Variants in SERPINB12 observed in about 807,000 individuals in gnomAD.
SERPINB12 encodes the protein serpin B12.
A neutral mutation model predicts 41.1 loss-of-function variants in SERPINB12; 57 were observed. The observed-to-expected ratio is 1.39, with a 90% CI of 1.12 to 1.73. The LOEUF (loss-of-function observed/expected upper bound fraction) is 1.73, where lower values mean the gene tolerates loss of function less well. Ranked by LOEUF, SERPINB12 falls within the 40% of genes most tolerant of loss-of-function variation. SERPINB12 has a pLI of 0.00. For synonymous variants in SERPINB12, 180 were observed against 181.3 expected, an observed-to-expected ratio of 0.99 and a Z score of 0.06; for missense variants, 536 against 501.9, an observed-to-expected ratio of 1.07 and a Z score of -0.65.
intron 1 of SERPINB12, among the ~76,000 whole-genome samples, chr18:63,548,670 A>T (rs1445099401): frequency 1.3e-5 from 2 of 152,088 alleles, no homozygotes; most frequent in Admixed American, 6.5e-5. Flanking sequence ...AACAAGAGAC[A>T]GTTAATATGT....
the SERPINB12 span, among the ~76,000 whole-genome samples, chr18:63,535,414 G>A: frequency 1.3e-5 from 2 of 152,074 alleles, no homozygotes; most frequent in Non-Finnish European, 2.9e-5. Context: ...CATTGTGCTT[G>A]CCAAAAATGC....
At chr18:63,559,003 C>CTTCTTTCTTTCTTTCT (rs374734513) in intron 3 of SERPINB12, among the ~76,000 whole-genome samples, 1,886 of 78,560 alleles carry the variant, frequency 0.024, 62 homozygotes, top group Admixed American at 0.044. Context: ...TCTTTCCTTC[C>CTTCTTTCTTTCTTTCT]TTCTTTCTTT....
chr18:63,556,279 T>C lies in SERPINB12; in HGVS notation c.120T>C (p.Gly40=), dbSNP rs577691248. ...FSPLSLSAAL[G]MVRLGARSDS... The stretch of plus-strand genomic sequence containing the variant: ...CCCTGAGCCTCTCAGCTGCCCTTGG[T>C]ATGGTACGCTTGGGTGCTAGAAGTG... Residue 40 remains glycine, a synonymous_variant, in exon 2 of 8, where the codon GGT becomes GGC. Transcript: ENST00000382768. 181 of 1,614,126 alleles carry C rather than the reference T, an allele frequency of 1.1e-4. 2 individuals are homozygous for C. The South Asian group carries it at 1.9e-3, about 17-fold the overall frequency.
chr18:63,534,576 G>C, the SERPINB12 span, among the ~76,000 whole-genome samples: 1 of 152,108 alleles, frequency 6.6e-6, no homozygotes, highest in Non-Finnish European at 1.5e-5. Flanking sequence ...TTAATCTAGT[G>C]GAACGTGGAA....
chr18:63,547,640 G>C (rs1053458319), intron 1 of SERPINB12, among the ~76,000 whole-genome samples: 1 of 151,888 alleles, frequency 6.6e-6, no homozygotes, highest in Non-Finnish European at 1.5e-5. Flanking sequence ...AGAATATTTT[G>C]GGTTGTTAGA....
chr18:63,523,942 G>A, the SERPINB12 span, among the ~76,000 whole-genome samples: 5 of 152,264 alleles, frequency 3.3e-5, no homozygotes, highest in Admixed American at 3.3e-4. Context: ...AAAGCTTCAA[G>A]AGGAAAATTC....
the SERPINB12 span, among the ~76,000 whole-genome samples, chr18:63,524,534 C>G: frequency 2.6e-5 from 4 of 152,102 alleles, no homozygotes; most frequent in Admixed American, 6.5e-5. Flanking sequence ...AAGTGATCCA[C>G]CCGCTTCAGC....
At chr18:63,533,123 G>A in the SERPINB12 span, among the ~76,000 whole-genome samples, 28 of 152,068 alleles carry the variant, frequency 1.8e-4, no homozygotes, top group African/African-American at 4.8e-4. Context: ...GATTACAGGC[G>A]CCCACCACCA....
intron 1 of SERPINB12, among the ~76,000 whole-genome samples, chr18:63,548,380 G>C (rs1012160589): frequency 2.0e-5 from 3 of 151,972 alleles, no homozygotes; most frequent in African/African-American, 7.2e-5. Context: ...TTTCTTTCTT[G>C]TAAAAAATTG....
chr18:63,533,935 G>A, the SERPINB12 span, among the ~76,000 whole-genome samples: 2 of 152,094 alleles, frequency 1.3e-5, no homozygotes, highest in African/African-American at 4.8e-5. Context: ...AATGGGAATA[G>A]GTTGAATTCT....
At chr18:63,527,975 C>G in the SERPINB12 span, among the ~76,000 whole-genome samples, 5 of 152,030 alleles carry the variant, frequency 3.3e-5, no homozygotes, top group African/African-American at 1.2e-4. Flanking sequence ...TGGTTTTATA[C>G]GGGGGGAGTT....
At chr18:63,521,122 T>C in the SERPINB12 span, among the ~76,000 whole-genome samples, 1 of 152,210 alleles carries the variant, frequency 6.6e-6, no homozygotes, top group South Asian at 2.1e-4. Flanking sequence ...TGTGAGGTTG[T>C]GATGTCCTTT....
chr18:63,564,906 A>C (rs1911041496), intron 6 of SERPINB12, among the ~76,000 whole-genome samples: 1 of 152,224 alleles, frequency 6.6e-6, no homozygotes, highest in African/African-American at 2.4e-5. Context: ...ATTAAAAAAC[A>C]TGGAAAGGGC....
At chr18:63,537,910 A>G (rs185335823), upstream of SERPINB12, among the ~76,000 whole-genome samples, 11 of 152,276 alleles carry the variant, frequency 7.2e-5, no homozygotes, top group Admixed American at 1.3e-4. Flanking sequence ...TGGAACAGGT[A>G]TGAGACTGTG....
At chr18:63,564,627 T>C (rs1449799839) in intron 6 of SERPINB12, among the ~76,000 whole-genome samples, 2 of 152,008 alleles carry the variant, frequency 1.3e-5, no homozygotes, top group African/African-American at 4.8e-5. Flanking sequence ...GAGGTTATTA[T>C]GAGATTTAAG....
chr18:63,532,923 A>G, the SERPINB12 span, among the ~76,000 whole-genome samples: 3 of 152,172 alleles, frequency 2.0e-5, no homozygotes, highest in Non-Finnish European at 4.4e-5. Flanking sequence ...CCTAACAGGT[A>G]ATAGAAGCTT....
intron 3 of SERPINB12, among the ~76,000 whole-genome samples, chr18:63,559,006 C>CTTTCTTTCT: frequency 3.9e-5 from 2 of 51,482 alleles, no homozygotes; most frequent in African/African-American, 1.1e-4. Flanking sequence ...TTCCTTCCTT[C>CTTTCTTTCT]TTTCTTTCTT....
intron 2 of SERPINB12, 99 bp downstream of exon 2, chr18:63,556,426 A>G: frequency 2.7e-6 from 3 of 1,114,858 alleles, no homozygotes; most frequent in Non-Finnish European, 3.8e-6. Flanking sequence ...GGCTTATTGC[A>G]CCCTGGGCTT....
chr18:63,541,244 A>C (rs936164290), upstream of SERPINB12, among the ~76,000 whole-genome samples: 3 of 152,136 alleles, frequency 2.0e-5, no homozygotes, highest in African/African-American at 7.2e-5. Context: ...TACCTGGTTT[A>C]TAGGTTAGGC....
Sources: allele counts gnomAD v4.1 joint callset (sites outside exome capture counted in the v4.1 genomes callset), GRCh38; gene constraint gnomAD v4.1.1; transcripts MANE v1.5; gene names NCBI Gene and HGNC (gene_info 2026-07-23, HGNC 2026-07-21).